UQCC1: variants seen among roughly 807,000 people sequenced by gnomAD.
UQCC1 encodes ubiquinol-cytochrome c reductase complex assembly factor 1, also known as bFGF-repressed Zic-binding protein.
A neutral mutation model predicts 48.0 loss-of-function variants in UQCC1; 38 were observed. The ratio of observed to expected loss-of-function variants is 0.79; its 90% confidence interval spans 0.61 to 1.04. The LOEUF (loss-of-function observed/expected upper bound fraction) is 1.04. UQCC1 is among the 50% of genes least tolerant of loss of function. UQCC1 has a pLI of 0.00. For synonymous variants in UQCC1, 111 were observed against 129.2 expected (o/e 0.86, Z 0.95); for missense variants, 368 against 381.8 (o/e 0.96, Z 0.30).
chr20:35,324,412 T>C (rs920397429), intron 7 of UQCC1, among the ~76,000 whole-genome samples: 6 of 152,194 alleles, frequency 3.9e-5, no homozygotes, highest in Admixed American at 1.3e-4. Flanking sequence ...CTGCAAGCTC[T>C]GCCTCCCAGG....
At chr20:35,311,351 A>C (rs2060991530) in intron 8 of UQCC1, among the ~76,000 whole-genome samples, 1 of 152,216 alleles carries the variant, frequency 6.6e-6, no homozygotes, top group Non-Finnish European at 1.5e-5. Flanking sequence ...ATTCTAGGAA[A>C]AGGTTGCTGT....
At chr20:35,369,911 C>T (rs2061710586) in intron 5 of UQCC1, among the ~76,000 whole-genome samples, 1 of 152,166 alleles carries the variant, frequency 6.6e-6, no homozygotes, top group Non-Finnish European at 1.5e-5. Flanking sequence ...TCCAAGGCCT[C>T]CAGTCTCTTA....
At chr20:35,369,973 C>T (rs767766750) in intron 5 of UQCC1, among the ~76,000 whole-genome samples, 18 of 152,288 alleles carry the variant, frequency 1.2e-4, no homozygotes, top group African/African-American at 4.1e-4. Context: ...TCAACAGGAG[C>T]TCTACTGATT....
intron 1 of UQCC1, among the ~76,000 whole-genome samples, chr20:35,408,956 T>C (rs528776354): frequency 7.2e-5 from 11 of 152,138 alleles, no homozygotes; most frequent in African/African-American, 1.9e-4. Flanking sequence ...GGTCAAATAC[T>C]GTATGATTCC....
At position 35,374,234 on chromosome 20, in the gene UQCC1, C is replaced by T. The variant is rs529226801; in HGVS notation, c.356G>A (p.Arg119His). Residue 119 changes from arginine to histidine, a missense_variant, in exon 5 of 10, where the codon CGC becomes CAC. Arg to His is a conservative substitution (Grantham distance 29). Transcript: ENST00000374385. Reference protein sequence around the residue: ...SKWKIKIAALRMYTSCVEKTD... With the variant: ...SKWKIKIAALHMYTSCVEKTD... ...TTTCTCCACACAGCTAGTATACATGCGCAGGGCCGCAATCTTAATCTTCTA... is the reference window on the plus strand; with the variant it reads ...TTTCTCCACACAGCTAGTATACATGTGCAGGGCCGCAATCTTAATCTTCTA... The T allele has an allele frequency of 8.5e-5, 137 of 1,612,384 alleles. No individual in the cohort carries two copies. The highest frequency in any genetic ancestry group is 2.7e-4 in the Admixed American group (16 of 59,678).
At chr20:35,406,353 A>G (rs1016043221) in intron 1 of UQCC1, among the ~76,000 whole-genome samples, 2 of 152,254 alleles carry the variant, frequency 1.3e-5, no homozygotes, top group Non-Finnish European at 2.9e-5. Context: ...TTAAATGAGC[A>G]AGAGAAGAAA....
chr20:35,360,351 T>C (rs2061592479), intron 6 of UQCC1, among the ~76,000 whole-genome samples: 1 of 152,156 alleles, frequency 6.6e-6, no homozygotes, highest in Non-Finnish European at 1.5e-5. Flanking sequence ...AGGCTGCCAG[T>C]GTCTGCCGGT....
At position 35,303,953 on chromosome 20, in the gene UQCC1, G is replaced by C. The variant is rs781778408; in HGVS notation, c.882C>G (p.Tyr294Ter). ...QSILKPHSPT[Y>*]NDEGL The stretch of plus-strand genomic sequence containing the variant: ...CAGCCCATCAAAGTCCCTCGTCGTT[G>C]TAAGTCGGAGAATGGGGCTTCAGGA... The change falls in exon 10 of 10, where the codon TAC (tyrosine) becomes TAG (stop). Residue 294 changes from tyrosine (Y) to a stop codon, truncating the protein, a stop_gained. Coordinates refer to ENST00000374385, the MANE Select transcript of UQCC1 (RefSeq NM_018244.5). LOFTEE classifies it high-confidence loss of function. The C allele has an allele frequency of 3.1e-6, 5 of 1,614,228 alleles. No individual in the cohort carries two copies. The highest frequency in any genetic ancestry group is 1.3e-5 in the African/African-American group (1 of 75,066).
At position 35,395,515 on chromosome 20, in the gene UQCC1, A is replaced by T. The variant is rs573539263; in HGVS notation, c.25-1319T>A. Among the ~76,000 whole-genome samples, 10 of 152,172 alleles carry T rather than the reference A, an allele frequency of 6.6e-5. No individual in the cohort carries two copies. In the South Asian group the frequency reaches 1.7e-3, roughly 25 times the overall value. ...AAGGGGCTTATTATAAATAAATAAA[A>T]AAAAAACCATTCCTCTCACCCCAAT... is the stretch of plus-strand genomic sequence containing the variant. On this transcript the variant is annotated intron_variant, in intron 1 of 9. Coordinates refer to ENST00000374385, the MANE Select transcript of UQCC1 (RefSeq NM_018244.5).
rs1367942699 is a variant in UQCC1, at chr20:35,304,133, C to T, written c.766-64G>A. On this transcript the variant is annotated intron_variant, in intron 9 of 9. Transcript: ENST00000374385. ...CAGGGCAGAGGTGAGGAGCCAGCGTCAGGAACCAGCCTCCCAGAGGAGAGG... is the reference window on the plus strand; with the variant it reads ...CAGGGCAGAGGTGAGGAGCCAGCGTTAGGAACCAGCCTCCCAGAGGAGAGG... 18 of 1,604,224 alleles carry T rather than the reference C, an allele frequency of 1.1e-5. No individual in the cohort carries two copies. In the Admixed American group the frequency reaches 1.3e-4, roughly 12 times the overall value.
chr20:35,318,781 G>A (rs187549328), intron 7 of UQCC1, among the ~76,000 whole-genome samples: 150 of 152,332 alleles, frequency 9.8e-4, no homozygotes, highest in African/African-American at 3.1e-3. Context: ...CTCAACTACC[G>A]GACTCACTCG....
At chr20:35,340,447 G>A (rs2061364717) in intron 7 of UQCC1, among the ~76,000 whole-genome samples, 1 of 152,204 alleles carries the variant, frequency 6.6e-6, no homozygotes. Context: ...ACTGGTATCT[G>A]AGAACATGTA....
At position 35,366,316 on chromosome 20, in the gene UQCC1, T is replaced by C. The variant is rs369981360; in HGVS notation, c.464+241A>G. ...AGTGTGTTAAGAGATACTGATAGCA[T>C]TGTTCACTGGGTTAGGTGTTCTCTG... is the stretch of plus-strand genomic sequence containing the variant. On this transcript the variant is annotated intron_variant, in intron 6 of 9. Coordinates refer to ENST00000374385, the MANE Select transcript of UQCC1 (RefSeq NM_018244.5). 5.4e-4 allele frequency among the ~76,000 whole-genome samples: 83 copies of C among 152,366 alleles called. No homozygotes were observed. The South Asian group carries it at 0.017, about 31-fold the overall frequency.
chr20:35,307,649 A>T (rs188567835), intron 8 of UQCC1, among the ~76,000 whole-genome samples: 76 of 152,312 alleles, frequency 5.0e-4, no homozygotes, highest in African/African-American at 1.8e-3. Context: ...TGGAGTTAGA[A>T]GGGAGATCAA....
intron 8 of UQCC1, among the ~76,000 whole-genome samples, chr20:35,313,049 GT>G (rs2061011411): frequency 1.3e-5 from 2 of 152,034 alleles, no homozygotes; most frequent in Admixed American, 1.3e-4. Flanking sequence ...AGTTAAAATG[GT>G]ACATTTTATG....
At chr20:35,339,909 C>A (rs1007550965) in intron 7 of UQCC1, among the ~76,000 whole-genome samples, 26 of 152,066 alleles carry the variant, frequency 1.7e-4, no homozygotes, top group African/African-American at 5.6e-4. Flanking sequence ...ACATCCTTTT[C>A]TTTTGCTGAA....
chr20:35,363,803 A>G (rs916482545), intron 6 of UQCC1, among the ~76,000 whole-genome samples: 1 of 151,974 alleles, frequency 6.6e-6, no homozygotes. Context: ...TTCAACCCCT[A>G]TGCCTCCAGC....
At chr20:35,375,583 T>G (rs1005286867) in intron 4 of UQCC1, among the ~76,000 whole-genome samples, 1 of 151,840 alleles carries the variant, frequency 6.6e-6, no homozygotes, top group African/African-American at 2.4e-5. Context: ...AAATTAAACC[T>G]AAAAGCAAGC....
At chr20:35,398,431 G>A (rs1271467099) in intron 1 of UQCC1, among the ~76,000 whole-genome samples, 1 of 152,100 alleles carries the variant, frequency 6.6e-6, no homozygotes, top group Non-Finnish European at 1.5e-5. Flanking sequence ...CCATTTCCTC[G>A]AGTAGAAACA....
Sources: allele counts gnomAD v4.1 joint callset (sites outside exome capture counted in the v4.1 genomes callset), GRCh38; gene constraint gnomAD v4.1.1; transcripts MANE v1.5; gene names NCBI Gene and HGNC (gene_info 2026-07-23, HGNC 2026-07-21).